The following CFAP54 variants were observed in gnomAD, a reference collection of about 807,000 sequenced individuals.
CFAP54 encodes the protein cilia and flagella associated protein 54.
A neutral mutation model predicts 370.4 loss-of-function variants in CFAP54; 290 were observed. That is an observed-to-expected ratio of 0.78 (90% CI 0.71 to 0.86). The LOEUF is 0.86. Among genes scored for constraint, CFAP54 ranks in the 40% least tolerant of loss-of-function variants. The pLI, the probability that CFAP54 is intolerant of heterozygous loss-of-function variation, is 0.00. For synonymous variants in CFAP54, 1,206 were observed against 1,236.5 expected (o/e 0.98, Z 0.52); for missense variants, 3,399 against 3,528.7 (o/e 0.96, Z 0.93).
In CFAP54 at chr12:96,631,766, A is replaced by G. The variant is rs150222991; in HGVS notation, c.4316+1115A>G. Among the ~76,000 whole-genome samples, 610 of 150,506 alleles carry G rather than the reference A, an allele frequency of 4.1e-3. 1 individual carries two copies. The highest frequency in any genetic ancestry group is 6.6e-3 in the Non-Finnish European group (448 of 67,458). ...GTATAATAAATTTTTTAAATGATTT[A>G]TTCAGTCTCTCATAAATAAACATTT... On this transcript the variant is annotated intron_variant, in intron 32 of 67. Transcript: ENST00000524981.
At chr12:96,508,381 G>A (rs531777475) in intron 4 of CFAP54, among the ~76,000 whole-genome samples, 1 of 150,764 alleles carries the variant, frequency 6.6e-6, no homozygotes, top group Non-Finnish European at 1.5e-5. Context: ...CACCTCCTGG[G>A]TTCAAACGAT....
At chr12:96,757,278 G>A (rs1340385576) in intron 57 of CFAP54, among the ~76,000 whole-genome samples, 1 of 152,168 alleles carries the variant, frequency 6.6e-6, no homozygotes, top group African/African-American at 2.4e-5. Flanking sequence ...ACAGGAAAAG[G>A]CAGAGTGCTA....
At chr12:96,869,984 CCGGGCATGGTGGCTCA>C (rs1338464176) in intron 67 of CFAP54, among the ~76,000 whole-genome samples, 1 of 150,156 alleles carries the variant, frequency 6.7e-6, no homozygotes, top group East Asian at 2.0e-4. Flanking sequence ...TACATTTAGG[CCGGGCATGGTGGCTCA>C]CGCCTTTAAT....
At chr12:96,840,531 A>G (rs1959205523) in intron 66 of CFAP54, among the ~76,000 whole-genome samples, 1 of 151,950 alleles carries the variant, frequency 6.6e-6, no homozygotes, top group Non-Finnish European at 1.5e-5. Context: ...ATTCTGTAGT[A>G]GGTATTTACT....
At chr12:96,662,295 C>G (rs576737940) in intron 38 of CFAP54, among the ~76,000 whole-genome samples, 121 of 152,248 alleles carry the variant, frequency 7.9e-4, no homozygotes, top group African/African-American at 2.6e-3. Context: ...ACCTCTGCCT[C>G]CTAGGTTGAA....
intron 26 of CFAP54, among the ~76,000 whole-genome samples, chr12:96,621,016 G>A (rs1365306023): frequency 1.3e-5 from 2 of 152,222 alleles, no homozygotes; most frequent in African/African-American, 4.8e-5. Flanking sequence ...GGTATTAGGG[G>A]ATGTGAGAGG....
intron 63 of CFAP54, among the ~76,000 whole-genome samples, chr12:96,802,606 A>G (rs1958832082): frequency 6.6e-6 from 1 of 152,124 alleles, no homozygotes; most frequent in African/African-American, 2.4e-5. Flanking sequence ...ACCTGCCCAC[A>G]CATCTGGCCG....
At position 96,644,287 on chromosome 12, in the gene CFAP54, G is replaced by A; in HGVS notation, c.4426G>A (p.Glu1476Lys). The A allele has an allele frequency of 1.3e-6, 2 of 1,535,778 alleles. No homozygotes were observed. Among genetic ancestry groups the A allele is most frequent in the South Asian group, 1.2e-5 (1 of 84,052 alleles). The change falls in exon 33 of 68, where the codon GAA becomes AAA. Residue 1476 changes from glutamate (E) to lysine (K), a missense_variant. By Grantham distance (56) the Glu-to-Lys change is moderately conservative. This residue lies in a region of CFAP54 where 2,796 missense variants were observed against 2,869.7 expected (regional missense o/e 0.97). Transcript: ENST00000524981. ...AAAGAGGTTCCATCGTCTATCACTTGAAGAGATGCCCTGGAGAGCTCAGAT... is the reference window on the plus strand; with the variant it reads ...AAAGAGGTTCCATCGTCTATCACTTAAAGAGATGCCCTGGAGAGCTCAGAT... ...KRKRFHRLSL[E>K]EMPWRAQMNL...
intron 36 of CFAP54, among the ~76,000 whole-genome samples, chr12:96,653,843 A>ATTT (rs71307524): frequency 6.6e-6 from 1 of 151,796 alleles, no homozygotes; most frequent in Non-Finnish European, 1.5e-5. Flanking sequence ...ATTAAAAATT[A>ATTT]AATCTAGTAT....
chr12:96,817,546 G>A (rs1958989688), intron 64 of CFAP54, among the ~76,000 whole-genome samples: 1 of 151,470 alleles, frequency 6.6e-6, no homozygotes, highest in Non-Finnish European at 1.5e-5. Flanking sequence ...TCAGCCTCCT[G>A]AGTAGCTGGC....
intron 22 of CFAP54, among the ~76,000 whole-genome samples, chr12:96,582,441 T>C (rs1164779510): frequency 6.6e-6 from 1 of 151,886 alleles, no homozygotes; most frequent in Non-Finnish European, 1.5e-5. Context: ...ATTAGTAATA[T>C]AAGATAAGAT....
intron 33 of CFAP54, 29 bp from the exon 34 acceptor site, chr12:96,647,846 T>G: frequency 6.8e-7 from 1 of 1,477,350 alleles, no homozygotes; most frequent in Non-Finnish European, 8.9e-7. Context: ...CTTATATTGT[T>G]TTTTAATATG....
intron 55 of CFAP54, 130 bp downstream of exon 55, chr12:96,744,276 A>G (rs1445494219): frequency 3.7e-6 from 3 of 815,714 alleles, no homozygotes; most frequent in Non-Finnish European, 5.7e-6. Context: ...CATTTATTTA[A>G]CCAATAGTTT....
intron 39 of CFAP54, among the ~76,000 whole-genome samples, chr12:96,676,182 A>C (rs762832861): frequency 6.6e-6 from 1 of 152,148 alleles, no homozygotes; most frequent in Non-Finnish European, 1.5e-5. Context: ...CTGCACCTCC[A>C]CACACAGGTT....
intron 66 of CFAP54, among the ~76,000 whole-genome samples, chr12:96,829,344 A>T (rs1959162218): frequency 6.6e-6 from 1 of 152,184 alleles, no homozygotes; most frequent in South Asian, 2.1e-4. Context: ...AATTCACAGA[A>T]TAACCCCTAT....
In CFAP54 at chr12:96,691,232, C is replaced by T. The variant is rs756394381; in HGVS notation, c.6186C>T (p.Tyr2062=). 3 of 1,613,182 alleles carry T rather than the reference C, an allele frequency of 1.9e-6. No homozygotes were observed. The highest frequency in any genetic ancestry group is 2.5e-6 in the Non-Finnish European group (3 of 1,179,586). Residue 2062 remains tyrosine, a synonymous_variant, in exon 44 of 68, where the codon TAC becomes TAT. Coordinates refer to ENST00000524981, the MANE Select transcript of CFAP54 (RefSeq NM_001306084.2). ...GCATTGAACTCTTCTCAGATAGATA[C>T]AGGGCTGACATTTGCTCTGTAATTG... The part of the protein sequence containing the change: ...LPGIELFSDR[Y]RADICSVIAS...
chr12:96,723,828 C>G (rs1411596393), intron 50 of CFAP54, among the ~76,000 whole-genome samples: 1 of 100,344 alleles, frequency 1.0e-5, no homozygotes, highest in Non-Finnish European at 1.9e-5. Flanking sequence ...TCCCTCCCCC[C>G]TCCCCCCACC....
intron 39 of CFAP54, among the ~76,000 whole-genome samples, chr12:96,664,763 ATC>A (rs1471963021): frequency 4.9e-5 from 1 of 20,438 alleles, no homozygotes; most frequent in Non-Finnish European, 9.7e-5. Context: ...ATCTATATAT[ATC>A]TATATCTATA....
rs754147995 is a variant in CFAP54, at chr12:96,714,971, AC to A, written c.6725-3470del. The stretch of plus-strand genomic sequence containing the variant: ...GGCCCTACATGGCAACATAAAATTC[AC>A]CTATAATGACAAGTTGAAGGGCAGA... On this transcript the variant is annotated intron_variant, in intron 48 of 67. Coordinates refer to ENST00000524981, the MANE Select transcript of CFAP54 (RefSeq NM_001306084.2). 2.0e-5 allele frequency among the ~76,000 whole-genome samples: 3 copies of A among 152,286 alleles called. 1 individual carries two copies.
Sources: gnomAD v4.1 joint callset for allele counts (sites outside exome capture counted in the v4.1 genomes callset) on GRCh38, gnomAD v4.1.1 for gene constraint, gnomAD v4.1.1 regional missense constraint, MANE v1.5 for transcripts, NCBI Gene and HGNC (gene_info 2026-07-23, HGNC 2026-07-21) for gene names.